Variants in QTMAN observed in about 807,000 individuals in gnomAD.
QTMAN encodes the protein queuosine-tRNA mannosyltransferase, also known as tRNA-queuosine alpha-mannosyltransferase.
chr2:144,277,732 T>G, the QTMAN span, among the ~76,000 whole-genome samples: 2 of 152,252 alleles, frequency 1.3e-5, no homozygotes, highest in East Asian at 3.9e-4. Context: ...CTCTTGAAAC[T>G]ATCATCTATT....
At chr2:144,042,700 C>A in the QTMAN span, among the ~76,000 whole-genome samples, 2 of 149,004 alleles carry the variant, frequency 1.3e-5, no homozygotes, top group Admixed American at 6.7e-5. Context: ...GAAGGCGGAG[C>A]TTGCAGTGAG....
At chr2:144,009,712 T>C in the QTMAN span, among the ~76,000 whole-genome samples, 2 of 152,050 alleles carry the variant, frequency 1.3e-5, no homozygotes, top group African/African-American at 2.4e-5. Flanking sequence ...GAAAGAAACC[T>C]GGGCATTTAC....
chr2:144,197,145 G>A, the QTMAN span, among the ~76,000 whole-genome samples: 2 of 152,132 alleles, frequency 1.3e-5, no homozygotes, highest in East Asian at 3.9e-4. Flanking sequence ...ATTTAATATC[G>A]TAGGCAACTA....
chr2:144,218,799 A>G, the QTMAN span, among the ~76,000 whole-genome samples: 4 of 152,114 alleles, frequency 2.6e-5, no homozygotes. Context: ...ATGAGATGAA[A>G]TAAATGTCAC....
chr2:143,990,105 T>A, the QTMAN span, among the ~76,000 whole-genome samples: 1 of 151,746 alleles, frequency 6.6e-6, no homozygotes, highest in Non-Finnish European at 1.5e-5. Context: ...CACTGTCCTA[T>A]AAAGTCTTAT....
At chr2:144,003,434 C>A in the QTMAN span, among the ~76,000 whole-genome samples, 6 of 149,172 alleles carry the variant, frequency 4.0e-5, no homozygotes, top group East Asian at 2.0e-4. Flanking sequence ...AAAAAAAAAA[C>A]CAAGCAGTGC....
At chr2:144,111,089 A>G in the QTMAN span, among the ~76,000 whole-genome samples, 1 of 152,326 alleles carries the variant, frequency 6.6e-6, no homozygotes, top group Middle Eastern at 3.4e-3. Context: ...GTTATGTACC[A>G]AATTGATTCT....
chr2:144,000,872 T>C, the QTMAN span, among the ~76,000 whole-genome samples: 17 of 151,956 alleles, frequency 1.1e-4, no homozygotes, highest in Non-Finnish European at 5.9e-5. Flanking sequence ...CAAAGAACAT[T>C]AGTGTCCAAA....
the QTMAN span, among the ~76,000 whole-genome samples, chr2:144,194,476 A>T: frequency 1.3e-5 from 2 of 152,200 alleles, no homozygotes; most frequent in African/African-American, 4.8e-5. Context: ...ATATGTTCCT[A>T]GGAATGCCCA....
At chr2:144,036,499 C>T in the QTMAN span, among the ~76,000 whole-genome samples, 2 of 152,116 alleles carry the variant, frequency 1.3e-5, no homozygotes, top group African/African-American at 2.4e-5. Flanking sequence ...TAATACTGAA[C>T]ACAAACAAGA....
chr2:144,142,083 G>C, the QTMAN span: 1 of 1,548,676 alleles, frequency 6.5e-7, no homozygotes, highest in Admixed American at 1.7e-5. Flanking sequence ...AAATGCAAAT[G>C]ATGAGCCCAG....
At chr2:144,300,847 A>T in the QTMAN span, among the ~76,000 whole-genome samples, 5 of 152,196 alleles carry the variant, frequency 3.3e-5, no homozygotes, top group Non-Finnish European at 5.9e-5. Context: ...CAGCCTCTTG[A>T]TGATTATATG....
chr2:144,297,658 G>C, the QTMAN span, among the ~76,000 whole-genome samples: 1 of 142,320 alleles, frequency 7.0e-6, no homozygotes, highest in African/African-American at 2.6e-5. Context: ...TTGGCTCACT[G>C]CAATCTCCAC....
At chr2:144,095,409 C>T in the QTMAN span, among the ~76,000 whole-genome samples, 2 of 152,254 alleles carry the variant, frequency 1.3e-5, 1 homozygote, top group East Asian at 3.9e-4. Flanking sequence ...ACACAGCACA[C>T]TCTAAGTCAT....
the QTMAN span, chr2:143,944,748 G>A: frequency 6.6e-6 from 1 of 152,234 alleles, no homozygotes; most frequent in Non-Finnish European, 1.5e-5. Context: ...CCGGCCTAAT[G>A]TAAGCTTTTG....
the QTMAN span, among the ~76,000 whole-genome samples, chr2:144,246,805 A>C: frequency 2.2e-4 from 34 of 151,992 alleles, no homozygotes; most frequent in Admixed American, 2.2e-3. Context: ...TCATCTTTAC[A>C]GTTTTTAAAA....
the QTMAN span, chr2:143,940,223 A>G: frequency 1.3e-5 from 2 of 152,196 alleles, no homozygotes; most frequent in Admixed American, 1.3e-4. Flanking sequence ...CTTTGGTTTG[A>G]CTACGATTCT....
At chr2:144,306,633 AAC>A in the QTMAN span, among the ~76,000 whole-genome samples, 1 of 152,172 alleles carries the variant, frequency 6.6e-6, no homozygotes, top group Non-Finnish European at 1.5e-5. Context: ...ATTTTGAGGG[AAC>A]ACACACAGTC....
At chr2:144,240,162 A>C in the QTMAN span, among the ~76,000 whole-genome samples, 2 of 152,264 alleles carry the variant, frequency 1.3e-5, no homozygotes, top group African/African-American at 4.8e-5. Flanking sequence ...ATAAAAGTAC[A>C]TCAGTCAGAA....
Sources: allele counts gnomAD v4.1 joint callset (sites outside exome capture counted in the v4.1 genomes callset), GRCh38; gene constraint gnomAD v4.1.1; transcripts MANE v1.5; gene names NCBI Gene and HGNC (gene_info 2026-07-23, HGNC 2026-07-21).